The following TLN2 variants were observed in gnomAD, a reference collection of about 807,000 sequenced individuals.
TLN2 encodes the protein talin 2, also known as talin-2.
TLN2 carries 118 observed loss-of-function variants against 294.7 expected under a neutral mutation model. The ratio of observed to expected loss-of-function variants is 0.40; its 90% CI spans 0.34 to 0.47. The LOEUF is 0.47. Ranked by LOEUF, TLN2 falls within the 20% of genes least tolerant of loss-of-function variation. The probability of loss-of-function intolerance (pLI) is 0.84; values close to 1 mark genes in which losing one functional copy is unlikely to be tolerated. For missense variants in TLN2, 3,083 were observed against 3,282.2 expected, an observed-to-expected ratio of 0.94 and a Z score of 1.48; for synonymous variants, 1,431 against 1,304.5, an observed-to-expected ratio of 1.10 and a Z score of -2.09.
chr15:62,661,371 G>A (rs2053809065), intron 9 of TLN2, among the ~76,000 whole-genome samples: 2 of 152,112 alleles, frequency 1.3e-5, no homozygotes, highest in South Asian at 4.1e-4. Flanking sequence ...TAGATAGACT[G>A]CATATGGAAA....
chr15:62,519,085 T>G (rs535304405), intron 1 of TLN2, among the ~76,000 whole-genome samples: 1 of 152,228 alleles, frequency 6.6e-6, no homozygotes, highest in Non-Finnish European at 1.5e-5. Flanking sequence ...TTTAAGTGGT[T>G]AAGCAACTTG....
At chr15:62,513,589 T>A (rs2040039359) in intron 1 of TLN2, among the ~76,000 whole-genome samples, 1 of 152,208 alleles carries the variant, frequency 6.6e-6, no homozygotes. Flanking sequence ...GGCAAGTCAC[T>A]TAACCTCCAG....
Position 62,702,097 on chromosome 15 carries a change from T to C in TLN2, c.1802T>C (p.Met601Thr), listed in dbSNP as rs1567397998. Residue 601 changes from methionine (M) to threonine (T), a missense_variant, in exon 18 of 59, where the codon ATG becomes ACG. Coordinates refer to ENST00000636159, the MANE Select transcript of TLN2 (RefSeq NM_015059.3). ...SKGVKLLAAL[M>T]DDEVGSGEDL... Reference sequence around the variant, plus strand: ...GGTGTGAAGCTATTGGCCGCCCTCATGGATGATGAGGTGGGCAGCGGGGAG... The same window carrying C: ...GGTGTGAAGCTATTGGCCGCCCTCACGGATGATGAGGTGGGCAGCGGGGAG... 15 of 1,614,220 alleles carry C rather than the reference T, an allele frequency of 9.3e-6. No individual in the cohort carries two copies. The highest frequency in any genetic ancestry group is 2.2e-5 in the East Asian group (1 of 44,888).
intron 1 of TLN2, among the ~76,000 whole-genome samples, chr15:62,557,573 T>C (rs971826077): frequency 6.6e-6 from 1 of 152,146 alleles, no homozygotes; most frequent in Non-Finnish European, 1.5e-5. Context: ...TTCAACTACC[T>C]GGGAACACTG....
Position 62,699,272 on chromosome 15 carries a change from A to G in TLN2, c.1587+405A>G, listed in dbSNP as rs187609952. On this transcript the variant is annotated intron_variant, in intron 16 of 58. Transcript: ENST00000636159. The stretch of plus-strand genomic sequence containing the variant: ...AGCCCCTCGCACATAGTAAGAGCTC[A>G]GTAAGCATTAGCTGTTTGTTAGTTT... 2.3e-3 allele frequency among the ~76,000 whole-genome samples: 344 copies of G among 152,320 alleles called. 2 individuals are homozygous for G. Among genetic ancestry groups the G allele is most frequent in the Non-Finnish European group, 1.1e-3 (73 of 68,030 alleles).
At chr15:62,779,412 G>A (rs1229383631) in intron 43 of TLN2, among the ~76,000 whole-genome samples, 3 of 152,168 alleles carry the variant, frequency 2.0e-5, no homozygotes, top group Non-Finnish European at 4.4e-5. Flanking sequence ...TCTACATCAC[G>A]GCTGTTTTAT....
At chr15:62,649,901 C>T in intron 4 of TLN2, 183 bp from the exon 5 acceptor site, 1 of 563,090 alleles carries the variant, frequency 1.8e-6, no homozygotes, top group Non-Finnish European at 3.2e-6. Flanking sequence ...TTCTGCAACT[C>T]AACTCTTACT....
intron 32 of TLN2, among the ~76,000 whole-genome samples, chr15:62,742,334 G>A (rs762591669): frequency 1.3e-5 from 2 of 152,020 alleles, no homozygotes; most frequent in Admixed American, 6.6e-5. Context: ...CCTCTTGATC[G>A]TTGCTTTTTT....
intron 1 of TLN2, among the ~76,000 whole-genome samples, chr15:62,393,215 T>G (rs2032245281): frequency 6.6e-6 from 1 of 152,160 alleles, no homozygotes. Context: ...ACCATTTAAG[T>G]TATCAGGGAG....
At chr15:62,748,188 G>A (rs2061720290) in intron 32 of TLN2, among the ~76,000 whole-genome samples, 163 bp from the exon 33 acceptor site, 1 of 152,000 alleles carries the variant, frequency 6.6e-6, no homozygotes, top group Admixed American at 6.5e-5. Flanking sequence ...TCTTCCCTGG[G>A]TGTGGTTTAT....
Position 62,840,369 on chromosome 15 carries a change from G to A in TLN2, c.7501-113G>A, listed in dbSNP as rs147055404. On this transcript the variant is annotated intron_variant, in intron 58 of 58. Coordinates refer to ENST00000636159, the MANE Select transcript of TLN2 (RefSeq NM_015059.3). ...CAGAGCTAAGAAAGCTGTTCCGGAT[G>A]TGCTGCAGTGTCCCACGGTCGCGGG... is the stretch of plus-strand genomic sequence containing the variant. 2.5e-3 allele frequency: 3,559 copies of A among 1,452,370 alleles called. 72 individuals are homozygous for A. In the East Asian group the frequency reaches 0.052, roughly 21 times the overall value. 90.0% of individuals were successfully genotyped at this position (1,452,370 alleles called of 1,614,324 possible).
intron 58 of TLN2, 99 bp from the exon 59 acceptor site, chr15:62,840,383 C>CCAA: frequency 6.6e-7 from 1 of 1,519,612 alleles, no homozygotes; most frequent in South Asian, 1.3e-5. Context: ...TGCAGTGTCC[C>CCAA]ACGGTCGCGG....
At chr15:62,606,751 G>T (rs1160852115) in intron 2 of TLN2, among the ~76,000 whole-genome samples, 1 of 152,228 alleles carries the variant, frequency 6.6e-6, no homozygotes, top group Non-Finnish European at 1.5e-5. Flanking sequence ...GCAGACTTGG[G>T]TTGAAGCCCT....
At chr15:62,421,461 A>C (rs7176264) in intron 1 of TLN2, among the ~76,000 whole-genome samples, 2,447 of 152,336 alleles carry the variant, frequency 0.016, 64 homozygotes, top group African/African-American at 0.056. Context: ...AAGGAACTTA[A>C]AATGAGTGTT....
intron 51 of TLN2, among the ~76,000 whole-genome samples, chr15:62,806,297 G>A (rs961323461): frequency 5.3e-5 from 8 of 152,196 alleles, no homozygotes; most frequent in African/African-American, 1.9e-4. Context: ...CAGCCTTGCT[G>A]GCCCTAATCC....
chr15:62,827,134 TTCA>T, intron 54 of TLN2, among the ~76,000 whole-genome samples: 1 of 152,184 alleles, frequency 6.6e-6, no homozygotes, highest in South Asian at 2.1e-4. Flanking sequence ...CTTATGCTCC[TTCA>T]CCTTCAAGTT....
intron 1 of TLN2, among the ~76,000 whole-genome samples, chr15:62,546,521 A>G (rs1163572898): frequency 6.6e-6 from 1 of 152,180 alleles, no homozygotes; most frequent in Non-Finnish European, 1.5e-5. Context: ...AAAGCTGGGA[A>G]GTGTTCTGGA....
intron 1 of TLN2, among the ~76,000 whole-genome samples, chr15:62,463,432 G>T (rs1342907213): frequency 6.6e-6 from 1 of 152,132 alleles, no homozygotes; most frequent in Non-Finnish European, 1.5e-5. Context: ...AAGCATAAAA[G>T]TTTGATTCTA....
Position 62,712,062 on chromosome 15 carries a change from G to T in TLN2, c.2619G>T (p.Met873Ile), listed in dbSNP as rs764814183. ...AKLLADSTARMVEAAKGAAAN... is the reference protein window; with the variant it reads ...AKLLADSTARIVEAAKGAAAN... ...TCTTAGCTGACTCCACTGCTCGCAT[G>T]GTGGAAGCTGCAAAGGTATTCTACT... The change falls in exon 22 of 59, where the codon ATG (methionine) becomes ATT (isoleucine). Residue 873 changes from methionine (M) to isoleucine (I), a missense_variant. By Grantham distance (10) the Met-to-Ile change is conservative. Transcript: ENST00000636159. 2 of 1,614,010 alleles carry T rather than the reference G, an allele frequency of 1.2e-6. No individual in the cohort carries two copies. Among genetic ancestry groups the T allele is most frequent in the East Asian group, 4.5e-5 (2 of 44,884 alleles).
Sources: gnomAD v4.1 joint callset for allele counts (sites outside exome capture counted in the v4.1 genomes callset) on GRCh38, gnomAD v4.1.1 for gene constraint, MANE v1.5 for transcripts, NCBI Gene and HGNC (gene_info 2026-07-23, HGNC 2026-07-21) for gene names.